The following FNDC3B variants were observed in gnomAD, a reference collection of about 807,000 sequenced individuals.
FNDC3B encodes the protein fibronectin type III domain containing 3B.
Under a neutral mutation model 151.5 loss-of-function variants are expected in FNDC3B, and 12 were observed. The observed-to-expected ratio is 0.08, with a 90% CI of 0.05 to 0.13. The LOEUF (loss-of-function observed/expected upper bound fraction) is 0.13. FNDC3B is among the 10% of genes least tolerant of loss of function. The pLI, the probability that FNDC3B is intolerant of heterozygous loss-of-function variation, is 1.00. For synonymous variants in FNDC3B, 528 were observed against 549.0 expected, an observed-to-expected ratio of 0.96 and a Z score of 0.54; for missense variants, 1,214 against 1,505.3, an observed-to-expected ratio of 0.81 and a Z score of 3.20.
At position 172,309,204 on chromosome 3, in the gene FNDC3B, A is replaced by G. The variant is rs79726924; in HGVS notation, c.1201-1624A>G. On this transcript the variant is annotated intron_variant, in intron 10 of 25. Coordinates refer to ENST00000415807, the MANE Select transcript of FNDC3B (RefSeq NM_022763.4). ...GTCCTTAGAACAGATTCCCTGATCA[A>G]AGTGCTCCAGGTGGGGGCACAAGGA... Among the ~76,000 whole-genome samples, 1,141 of 152,324 alleles carry G rather than the reference A, an allele frequency of 7.5e-3. 13 individuals are homozygous for G. Among genetic ancestry groups the G allele is most frequent in the African/African-American group, 0.025 (1,059 of 41,562 alleles).
intron 6 of FNDC3B, among the ~76,000 whole-genome samples, chr3:172,254,308 T>C (rs1456902721): frequency 6.6e-6 from 1 of 152,158 alleles, no homozygotes; most frequent in African/African-American, 2.4e-5. Flanking sequence ...ATTCATGGAC[T>C]CCATTTTAGA....
At chr3:172,227,187 A>C (rs1025340851) in intron 4 of FNDC3B, 8 of 373,812 alleles carry the variant, frequency 2.1e-5, no homozygotes, top group Non-Finnish European at 3.9e-5. Flanking sequence ...TGGGGTTTTT[A>C]TATTTGATTG....
intron 2 of FNDC3B, 58 bp from the exon 3 acceptor site, chr3:172,133,413 A>T: frequency 7.5e-7 from 1 of 1,336,320 alleles, no homozygotes; most frequent in South Asian, 1.2e-5. Flanking sequence ...AGGTAATAAC[A>T]CTTAACAAAT....
At chr3:172,319,698 T>G (rs933530416) in intron 11 of FNDC3B, among the ~76,000 whole-genome samples, 28 of 152,170 alleles carry the variant, frequency 1.8e-4, no homozygotes, top group African/African-American at 6.7e-4. Flanking sequence ...CCCTCCCTGT[T>G]AGGAGCCTCT....
chr3:172,386,733 T>G (rs1735728623), intron 25 of FNDC3B, among the ~76,000 whole-genome samples: 1 of 138,314 alleles, frequency 7.2e-6, no homozygotes, highest in Non-Finnish European at 1.5e-5. Context: ...AGAGCGAGAC[T>G]CTGTCTCAAA....
chr3:172,397,590 G>C lies in FNDC3B; in HGVS notation c.*115G>C, dbSNP rs1263645577. The C allele has an allele frequency of 3.7e-6, 2 of 545,394 alleles. No homozygotes were observed. The highest frequency in any genetic ancestry group is 5.8e-6 in the Non-Finnish European group (2 of 347,276). The allele number at this position is 545,394 out of a possible 1,614,324, so 33.8% of individuals were successfully genotyped here. ...TTTGATTTATATACTCTGTTTTACA[G>C]ATTTAGCTAGAAAAAAAATGTCAGT... is the stretch of plus-strand genomic sequence containing the variant. On this transcript the variant is annotated 3_prime_UTR_variant, in exon 26 of 26. Coordinates refer to ENST00000415807, the MANE Select transcript of FNDC3B (RefSeq NM_022763.4).
At chr3:172,313,194 C>T (rs956158819) in intron 11 of FNDC3B, among the ~76,000 whole-genome samples, 1 of 152,168 alleles carries the variant, frequency 6.6e-6, no homozygotes, top group East Asian at 1.9e-4. Context: ...AATCCTTTTA[C>T]ATTCTGTGGC....
At chr3:172,375,231 A>G (rs2108362666) in intron 23 of FNDC3B, among the ~76,000 whole-genome samples, 1 of 152,252 alleles carries the variant, frequency 6.6e-6, no homozygotes, top group South Asian at 2.1e-4. Flanking sequence ...ATGACTGGAG[A>G]AAGTCTTCAG....
chr3:172,196,188 T>C (rs1418242145), intron 3 of FNDC3B, among the ~76,000 whole-genome samples: 1 of 152,206 alleles, frequency 6.6e-6, no homozygotes, highest in Non-Finnish European at 1.5e-5. Context: ...TAACCTTAAA[T>C]GTAAAAACAT....
intron 4 of FNDC3B, chr3:172,237,604 A>G (rs1429978214): frequency 6.6e-6 from 1 of 152,252 alleles, no homozygotes; most frequent in East Asian, 1.9e-4. Flanking sequence ...CTCTTAAAAA[A>G]GAAAAATAAA....
rs1211137955 is a variant in FNDC3B at position 172,247,528 on chromosome 3, T to C, written c.265-5T>C. Reference sequence around the variant, plus strand: ...TGCGTTCTTTCCTTTTGTGTTTTTCTTTAGGTGATTGAAGATAGTACTGGA... The same window carrying C: ...TGCGTTCTTTCCTTTTGTGTTTTTCCTTAGGTGATTGAAGATAGTACTGGA... On this transcript the variant is annotated splice_region_variant and splice_polypyrimidine_tract_variant and intron_variant, in intron 4 of 25. Coordinates refer to ENST00000415807, the MANE Select transcript of FNDC3B (RefSeq NM_022763.4). 1 of 1,613,370 alleles carries C rather than the reference T, an allele frequency of 6.2e-7. No homozygotes were observed.
intron 4 of FNDC3B, among the ~76,000 whole-genome samples, chr3:172,242,548 AAGCCAC>A: frequency 6.6e-6 from 1 of 152,252 alleles, no homozygotes; most frequent in African/African-American, 2.4e-5. Flanking sequence ...GCACCCTTTG[AAGCCAC>A]AGCCTGAGCT....
At chr3:172,072,284 G>T (rs1717818271) in intron 1 of FNDC3B, among the ~76,000 whole-genome samples, 1 of 151,380 alleles carries the variant, frequency 6.6e-6, no homozygotes, top group African/African-American at 2.4e-5. Context: ...AGTGGTTCTA[G>T]TACTGGACAG....
In FNDC3B at chr3:172,388,373, T is replaced by TA. The variant is rs1315842719; in HGVS notation, c.3303+7281dup. Among the ~76,000 whole-genome samples the TA allele has an allele frequency of 2.0e-4, 31 of 152,216 alleles. 1 individual carries two copies. Among genetic ancestry groups the TA allele is most frequent in the Admixed American group, 2.0e-3 (31 of 15,280 alleles). On this transcript the variant is annotated intron_variant, in intron 25 of 25. Transcript: ENST00000415807. ...TAAACATGTCAAGATTACTTTAAAA[T>TA]ATATCATTCATCAAATCAAGAACAG... is the stretch of plus-strand genomic sequence containing the variant.
chr3:172,124,304 T>C (rs140661493), intron 2 of FNDC3B, among the ~76,000 whole-genome samples: 1 of 152,358 alleles, frequency 6.6e-6, no homozygotes, highest in East Asian at 1.9e-4. Flanking sequence ...TTGGCCAGTC[T>C]GGTCTCGAAG....
intron 23 of FNDC3B, among the ~76,000 whole-genome samples, chr3:172,367,620 C>T (rs922549680): frequency 1.3e-5 from 2 of 152,150 alleles, no homozygotes; most frequent in African/African-American, 2.4e-5. Context: ...AGCACTGTGC[C>T]GATGACTTTG....
intron 11 of FNDC3B, among the ~76,000 whole-genome samples, chr3:172,325,261 T>G (rs1732284476): frequency 6.6e-6 from 1 of 152,252 alleles, no homozygotes; most frequent in African/African-American, 2.4e-5. Flanking sequence ...CGTATCTCAG[T>G]AATCCTGTGT....
At chr3:172,292,822 G>A (rs552008588) in intron 7 of FNDC3B, among the ~76,000 whole-genome samples, 1 of 152,332 alleles carries the variant, frequency 6.6e-6, no homozygotes, top group African/African-American at 2.4e-5. Flanking sequence ...AAGGAATTGA[G>A]CAGATATACT....
At chr3:172,330,464 G>A in intron 12 of FNDC3B, 77 bp from the exon 13 acceptor site, 1 of 1,342,262 alleles carries the variant, frequency 7.5e-7, no homozygotes, top group Non-Finnish European at 1.0e-6. Flanking sequence ...GTAGTGTGCA[G>A]GCTGAGCCTT....
Sources: allele counts gnomAD v4.1 joint callset (sites outside exome capture counted in the v4.1 genomes callset), GRCh38; gene constraint gnomAD v4.1.1; transcripts MANE v1.5; gene names NCBI Gene and HGNC (gene_info 2026-07-23, HGNC 2026-07-21).